PCDH15: variants seen among roughly 807,000 people sequenced by gnomAD.
PCDH15 encodes the protein protocadherin related 15.
A neutral mutation model predicts 178.5 loss-of-function variants in PCDH15; 129 were observed. The observed-to-expected ratio is 0.72, with a 90% confidence interval of 0.63 to 0.84. The LOEUF is 0.84. PCDH15 is among the 40% of genes least tolerant of loss of function. The pLI is 0.00. For synonymous variants in PCDH15, 800 were observed against 732.0 expected, an observed-to-expected ratio of 1.09 and a Z score of -1.50; for missense variants, 2,230 against 2,099.9, an observed-to-expected ratio of 1.06 and a Z score of -1.21.
intron 2 of PCDH15, among the ~76,000 whole-genome samples, chr10:54,899,159 T>G (rs1027572661): frequency 6.6e-6 from 1 of 152,176 alleles, no homozygotes; most frequent in African/African-American, 2.4e-5. Flanking sequence ...ACGTAGAGTA[T>G]TTATTTGTGG....
At chr10:54,358,655 T>G (rs1375604550) in intron 5 of PCDH15, among the ~76,000 whole-genome samples, 1 of 152,048 alleles carries the variant, frequency 6.6e-6, no homozygotes, top group Non-Finnish European at 1.5e-5. Context: ...GCCATCCCAT[T>G]ACTGGGTATA....
At chr10:54,186,681 T>C (rs2048502330) in intron 11 of PCDH15, among the ~76,000 whole-genome samples, 2 of 151,946 alleles carry the variant, frequency 1.3e-5, no homozygotes, top group Admixed American at 6.6e-5. Flanking sequence ...TATTATAAAA[T>C]GATCAAAAAT....
chr10:54,108,849 G>T (rs1034918707), intron 15 of PCDH15, among the ~76,000 whole-genome samples: 3 of 152,120 alleles, frequency 2.0e-5, no homozygotes, highest in Non-Finnish European at 4.4e-5. Context: ...CCCATTTCAG[G>T]TTCTACCTCA....
intron 19 of PCDH15, among the ~76,000 whole-genome samples, chr10:54,021,044 G>A (rs926235406): frequency 1.3e-5 from 2 of 151,960 alleles, no homozygotes; most frequent in African/African-American, 4.8e-5. Flanking sequence ...AATGAATCCA[G>A]ACACAATTAC....
intron 2 of PCDH15, among the ~76,000 whole-genome samples, chr10:55,411,706 A>G (rs1838336311): frequency 6.6e-6 from 1 of 152,230 alleles, no homozygotes; most frequent in South Asian, 2.1e-4. Flanking sequence ...TCAATTATCC[A>G]CTGTGTAAGT....
chr10:54,276,926 ATC>A (rs984572049), intron 8 of PCDH15, among the ~76,000 whole-genome samples: 4 of 151,674 alleles, frequency 2.6e-5, no homozygotes, highest in Non-Finnish European at 5.9e-5. Context: ...TATTTCTTGT[ATC>A]TACAAGTAGA....
At chr10:54,728,143 G>T (rs1412152181) in intron 1 of PCDH15, among the ~76,000 whole-genome samples, 3 of 151,442 alleles carry the variant, frequency 2.0e-5, no homozygotes, top group African/African-American at 7.3e-5. Flanking sequence ...GAGAACTTCA[G>T]GCTAATTACT....
intron 3 of PCDH15, among the ~76,000 whole-genome samples, chr10:54,513,414 C>G (rs1369061014): frequency 6.6e-6 from 1 of 151,916 alleles, no homozygotes; most frequent in Non-Finnish European, 1.5e-5. Context: ...GTGCACGCCC[C>G]CATGCCTGGC....
intron 37 of PCDH15, chr10:53,807,986 T>G (rs2075719055): frequency 6.6e-6 from 1 of 152,114 alleles, no homozygotes; most frequent in African/African-American, 2.4e-5. Context: ...ATTGCATGCA[T>G]TCTCATTTTC....
At chr10:55,243,716 G>C (rs913232851) in intron 1 of PCDH15, among the ~76,000 whole-genome samples, 3 of 152,122 alleles carry the variant, frequency 2.0e-5, no homozygotes, top group African/African-American at 4.8e-5. Context: ...GCTTTAAAAG[G>C]CTCCCAGAAA....
intron 2 of PCDH15, among the ~76,000 whole-genome samples, chr10:55,621,503 G>A (rs535084663): frequency 6.6e-6 from 1 of 152,234 alleles, no homozygotes; most frequent in African/African-American, 2.4e-5. Context: ...GGTAATGGTG[G>A]GTGGCATTAC....
At chr10:55,425,971 A>G (rs1478024285) in intron 2 of PCDH15, among the ~76,000 whole-genome samples, 12 of 152,210 alleles carry the variant, frequency 7.9e-5, no homozygotes, top group Non-Finnish European at 1.5e-4. Context: ...ATAAAATGGT[A>G]TAGTCATAGC....
chr10:55,006,896 A>G (rs1269552215), intron 2 of PCDH15, among the ~76,000 whole-genome samples: 1 of 151,926 alleles, frequency 6.6e-6, no homozygotes, highest in Non-Finnish European at 1.5e-5. Flanking sequence ...TTCCATTTCA[A>G]TGCTGTAGGT....
At chr10:53,929,039 C>T (rs573981599) in intron 25 of PCDH15, among the ~76,000 whole-genome samples, 1 of 151,828 alleles carries the variant, frequency 6.6e-6, no homozygotes, top group Admixed American at 6.6e-5. Context: ...AATATGTTTC[C>T]GTCATGAAAT....
At chr10:54,445,504 C>T (rs2076094259) in intron 3 of PCDH15, among the ~76,000 whole-genome samples, 1 of 151,520 alleles carries the variant, frequency 6.6e-6, no homozygotes, top group Non-Finnish European at 1.5e-5. Flanking sequence ...GGCTAGGTTA[C>T]TTTAAAAAAA....
chr10:55,522,648 G>C (rs1841207760), intron 2 of PCDH15, among the ~76,000 whole-genome samples: 1 of 151,500 alleles, frequency 6.6e-6, no homozygotes, highest in Non-Finnish European at 1.5e-5. Flanking sequence ...GCTCTATTTA[G>C]TTTACCCATT....
chr10:55,504,967 CTA>C (rs1441956159), intron 2 of PCDH15, among the ~76,000 whole-genome samples: 2 of 151,364 alleles, frequency 1.3e-5, no homozygotes, highest in Non-Finnish European at 3.0e-5. Context: ...GCATGTCAAA[CTA>C]TGTTTTGTAG....
chr10:55,567,985 G>T (rs1842336390), intron 2 of PCDH15, among the ~76,000 whole-genome samples: 1 of 151,960 alleles, frequency 6.6e-6, no homozygotes. Context: ...ATATAAAATG[G>T]TAAAACTGTT....
chr10:55,181,816 T>A (rs1428781937), intron 1 of PCDH15, among the ~76,000 whole-genome samples: 1 of 152,006 alleles, frequency 6.6e-6, no homozygotes, highest in Non-Finnish European at 1.5e-5. Flanking sequence ...TGAACTAAAA[T>A]AATTTTTAAT....
Sources: allele counts gnomAD v4.1 joint callset (sites outside exome capture counted in the v4.1 genomes callset), GRCh38; gene constraint gnomAD v4.1.1; transcripts MANE v1.5; gene names NCBI Gene and HGNC (gene_info 2026-07-23, HGNC 2026-07-21).